Variants in DMTN observed in about 807,000 individuals in gnomAD.
DMTN encodes dematin.
Under a neutral mutation model 59.4 loss-of-function variants are expected in DMTN, and 27 were observed. The ratio of observed to expected loss-of-function variants is 0.45; its 90% CI spans 0.33 to 0.63. The LOEUF (loss-of-function observed/expected upper bound fraction) is 0.63. Ranked by LOEUF, DMTN falls within the 20% of genes least tolerant of loss-of-function variation. DMTN has a pLI of 0.02. For missense variants in DMTN, 451 were observed against 528.9 expected (o/e 0.85, Z 1.45); for synonymous variants, 221 against 203.7 (o/e 1.08, Z -0.72).
At chr8:22,052,661 A>G (rs1801467750), upstream of DMTN, among the ~76,000 whole-genome samples, 1 of 152,158 alleles carries the variant, frequency 6.6e-6, no homozygotes, top group South Asian at 2.1e-4. Flanking sequence ...TCTCTTACAC[A>G]TGACATAACA....
At chr8:22,076,780 A>T (rs1251786473) in intron 10 of DMTN, among the ~76,000 whole-genome samples, 1 of 151,326 alleles carries the variant, frequency 6.6e-6, no homozygotes, top group African/African-American at 2.4e-5. Context: ...ACACATATAC[A>T]TATATATATA....
chr8:22,068,958 C>T (rs1013680518), intron 4 of DMTN, 58 bp from the exon 5 acceptor site: 2 of 1,588,846 alleles, frequency 1.3e-6, no homozygotes, highest in Non-Finnish European at 1.7e-6. Context: ...CTCTGGAATT[C>T]TAGGGAAGAG....
At chr8:22,064,108 AGATG>A (rs2130753900) in intron 1 of DMTN, among the ~76,000 whole-genome samples, 1 of 151,622 alleles carries the variant, frequency 6.6e-6, no homozygotes, top group East Asian at 1.9e-4. Context: ...ATGGATGGAG[AGATG>A]GATGGATGGA....
At chr8:22,080,901 C>A in intron 14 of DMTN, 31 bp downstream of exon 14, 4 of 1,540,268 alleles carry the variant, frequency 2.6e-6, no homozygotes, top group Non-Finnish European at 3.5e-6. Flanking sequence ...GCGCCTGTAG[C>A]GGGGCGGGAG....
upstream of DMTN, among the ~76,000 whole-genome samples, chr8:22,055,271 A>T (rs12541768): frequency 6.6e-6 from 1 of 151,914 alleles, no homozygotes; most frequent in South Asian, 2.1e-4. Context: ...GAGGGGCAAT[A>T]CAGGGGAGGA....
chr8:22,078,172 A>G (rs7004235), intron 10 of DMTN, among the ~76,000 whole-genome samples: 149,253 of 151,874 alleles, frequency 0.98, 73,388 homozygotes, highest in East Asian at 1. Context: ...CAAGACCAGC[A>G]TGGCCAACAT....
At chr8:22,050,296 G>T (rs1801211626), upstream of DMTN, among the ~76,000 whole-genome samples, 1 of 152,094 alleles carries the variant, frequency 6.6e-6, no homozygotes, top group Non-Finnish European at 1.5e-5. Flanking sequence ...ACTGGACTTT[G>T]GGGGGTGGCT....
At position 22,067,508 on chromosome 8, in the gene DMTN, C is replaced by T. The variant is rs779230709; in HGVS notation, c.94-19C>T. ...CGGGGCTTTCGGCACAGCAGTTTCA[C>T]GCGCACCTTTCCCTTCAGGCCAAGA... On this transcript the variant is annotated intron_variant, in intron 3 of 15. Transcript: ENST00000358242. The T allele has an allele frequency of 5.6e-6, 9 of 1,613,862 alleles. No individual in the cohort carries two copies. The South Asian group carries it at 7.7e-5, about 14-fold the overall frequency.
At position 22,069,840 on chromosome 8, in the gene DMTN, C is replaced by T. The variant is rs376642132; in HGVS notation, c.395-41C>T. Reference sequence around the variant, plus strand: ...ATTCTCCTGGCCCCAGCCTCCCTGCCATCAGCATGTCCTCCTCCTCATCTG... The same window carrying T: ...ATTCTCCTGGCCCCAGCCTCCCTGCTATCAGCATGTCCTCCTCCTCATCTG... On this transcript the variant is annotated intron_variant, in intron 6 of 15. Coordinates refer to ENST00000358242, the MANE Select transcript of DMTN (RefSeq NM_001387751.1). 1.0e-4 allele frequency: 161 copies of T among 1,606,632 alleles called. 3 individuals are homozygous for T. Among genetic ancestry groups the T allele is most frequent in the East Asian group, 4.0e-4 (18 of 44,848 alleles).
Position 22,082,073 on chromosome 8 carries a change from G to A in DMTN, c.*610G>A, listed in dbSNP as rs1390145282. 4.4e-6 allele frequency: 2 copies of A among 456,632 alleles called. No homozygotes were observed. Among genetic ancestry groups the A allele is most frequent in the Non-Finnish European group, 8.8e-6 (2 of 226,982 alleles). The allele number at this position is 456,632 out of a possible 1,614,324, so 28.3% of individuals were successfully genotyped here. ...AGCCCTGCGGCTTCCCCAGAAGCCT[G>A]GGCTTAGGGTGGAGATGCCGCCTAC... On this transcript the variant is annotated 3_prime_UTR_variant, in exon 16 of 16. Transcript: ENST00000358242.
chr8:22,069,995 C>T lies in DMTN; in HGVS notation c.451+58C>T, dbSNP rs575750957. 5 of 1,604,952 alleles carry T rather than the reference C, an allele frequency of 3.1e-6. No individual in the cohort carries two copies. The East Asian group carries it at 1.1e-4, about 36-fold the overall frequency. ...TCCGGCTGCATGCTGGGAGGCCGTG[C>T]CCTGGGGCTGCGGGCTGGCTGGAGG... On this transcript the variant is annotated intron_variant, in intron 7 of 15. Transcript: ENST00000358242.
chr8:22,061,295 AAAAAG>A, intron 1 of DMTN, among the ~76,000 whole-genome samples: 1 of 148,386 alleles, frequency 6.7e-6, no homozygotes, highest in African/African-American at 2.6e-5. Flanking sequence ...AAAAAAAAAA[AAAAAG>A]AAAGAAAGAA....
chr8:22,071,725 G>A (rs1166818705), intron 8 of DMTN, among the ~76,000 whole-genome samples: 4 of 150,620 alleles, frequency 2.7e-5, no homozygotes, highest in Non-Finnish European at 4.4e-5. Flanking sequence ...GACTACAGGC[G>A]CCCGCCACCA....
At chr8:22,068,968 G>C in intron 4 of DMTN, 48 bp from the exon 5 acceptor site, 1 of 1,605,770 alleles carries the variant, frequency 6.2e-7, no homozygotes, top group Non-Finnish European at 8.5e-7. Flanking sequence ...CTAGGGAAGA[G>C]GCTGAATCTG....
At chr8:22,067,004 G>C (rs1350460784) in intron 2 of DMTN, 81 bp from the exon 3 acceptor site, 1 of 1,313,854 alleles carries the variant, frequency 7.6e-7, no homozygotes, top group Non-Finnish European at 9.8e-7. Context: ...AGCGCCCCGG[G>C]TCCCCCAGGC....
At chr8:22,052,972 A>G (rs1015604383), upstream of DMTN, among the ~76,000 whole-genome samples, 1 of 152,164 alleles carries the variant, frequency 6.6e-6, no homozygotes, top group Non-Finnish European at 1.5e-5. Flanking sequence ...GTTCTGGGGC[A>G]GGAGAGAGCA....
chr8:22,050,809 C>T (rs577619775), upstream of DMTN, among the ~76,000 whole-genome samples: 2 of 152,142 alleles, frequency 1.3e-5, no homozygotes, highest in East Asian at 1.9e-4. Flanking sequence ...TCTGACTGAG[C>T]CTTCTCCTCA....
chr8:22,050,917 T>C (rs2129772314), upstream of DMTN, among the ~76,000 whole-genome samples: 1 of 152,322 alleles, frequency 6.6e-6, no homozygotes, highest in Non-Finnish European at 1.5e-5. Flanking sequence ...CCCCCTGAAC[T>C]GGTGGTGACT....
In DMTN at chr8:22,070,279, G is replaced by C. The variant is rs746539661; in HGVS notation, c.549G>C (p.Gln183His). The change falls in exon 8 of 16, where the codon CAG becomes CAC. Residue 183 changes from glutamine (Q) to histidine (H), a missense_variant. Gln to His is a conservative substitution (Grantham distance 24). Coordinates refer to ENST00000358242, the MANE Select transcript of DMTN (RefSeq NM_001387751.1). ...FPAAQPPDPN[Q>H]PAKIETDYWP... is the part of the protein sequence containing the mutation. ...CAGCCCAGCCCCCAGACCCCAACCA[G>C]CCAGCCAAAATCGAAACCGACTACT... 1 of 1,613,664 alleles carries C rather than the reference G, an allele frequency of 6.2e-7. No individual in the cohort carries two copies. Among genetic ancestry groups the C allele is most frequent in the South Asian group, 1.1e-5 (1 of 91,032 alleles).
Sources: allele counts gnomAD v4.1 joint callset (sites outside exome capture counted in the v4.1 genomes callset), GRCh38; gene constraint gnomAD v4.1.1; transcripts MANE v1.5; gene names NCBI Gene and HGNC (gene_info 2026-07-23, HGNC 2026-07-21).